MAPK4: variants seen among roughly 807,000 people sequenced by gnomAD.
MAPK4 encodes Erk3-related.
A neutral mutation model predicts 47.7 loss-of-function variants in MAPK4; 22 were observed. The ratio of observed to expected loss-of-function variants is 0.46; its 90% CI spans 0.33 to 0.66. The LOEUF (loss-of-function observed/expected upper bound fraction) is 0.66, where lower values mean the gene tolerates loss of function less well. MAPK4 is among the 30% of genes least tolerant of loss of function. MAPK4 has a pLI of 0.02. For synonymous variants in MAPK4, 390 were observed against 365.7 expected, an observed-to-expected ratio of 1.07 and a Z score of -0.76; for missense variants, 736 against 831.7, an observed-to-expected ratio of 0.88 and a Z score of 1.42.
intron 1 of MAPK4, among the ~76,000 whole-genome samples, chr18:50,576,849 G>A (rs139270565): frequency 6.6e-6 from 1 of 152,302 alleles, no homozygotes; most frequent in Non-Finnish European, 1.5e-5. Flanking sequence ...GGTCCTAGGT[G>A]GCACCAATGC....
At chr18:50,609,127 C>T (rs2042608519) in intron 1 of MAPK4, among the ~76,000 whole-genome samples, 1 of 152,126 alleles carries the variant, frequency 6.6e-6, no homozygotes, top group Non-Finnish European at 1.5e-5. Context: ...CGTCTTTCTA[C>T]ACAGACAGCA....
At chr18:50,590,180 A>C (rs755362413) in intron 1 of MAPK4, among the ~76,000 whole-genome samples, 6 of 152,190 alleles carry the variant, frequency 3.9e-5, no homozygotes, top group Non-Finnish European at 8.8e-5. Context: ...ACTAGCTGTG[A>C]TGAGGAAGGA....
chr18:50,625,930 A>G (rs894975380), intron 1 of MAPK4, among the ~76,000 whole-genome samples: 7 of 105,842 alleles, frequency 6.6e-5, no homozygotes, highest in Admixed American at 5.4e-4. Flanking sequence ...ACACACACAT[A>G]TATAATGACA....
chr18:50,717,171 G>T (rs1236278996), intron 3 of MAPK4, among the ~76,000 whole-genome samples: 1 of 152,148 alleles, frequency 6.6e-6, no homozygotes, highest in African/African-American at 2.4e-5. Context: ...TGCCCTTGTT[G>T]TCAGCCTGTC....
intron 3 of MAPK4, among the ~76,000 whole-genome samples, chr18:50,719,593 C>A (rs6508029): frequency 0.99 from 150,428 of 152,252 alleles, 74,340 homozygotes; most frequent in East Asian, 1. Flanking sequence ...TGGCCCTGCC[C>A]CCACGATCTG....
At chr18:50,569,828 G>A (rs982658217) in intron 1 of MAPK4, among the ~76,000 whole-genome samples, 4 of 152,238 alleles carry the variant, frequency 2.6e-5, no homozygotes, top group South Asian at 2.1e-4. Flanking sequence ...CCATGAGGCC[G>A]TCAATACGCT....
chr18:50,671,746 C>T (rs1907967571), intron 2 of MAPK4, among the ~76,000 whole-genome samples: 1 of 151,954 alleles, frequency 6.6e-6, no homozygotes, highest in African/African-American at 2.4e-5. Context: ...AAAAATTAGC[C>T]AGGTATAGTG....
intron 1 of MAPK4, among the ~76,000 whole-genome samples, chr18:50,631,348 C>T (rs2042828113): frequency 6.6e-6 from 1 of 152,074 alleles, no homozygotes; most frequent in Admixed American, 6.5e-5. Flanking sequence ...TTTGATCAGA[C>T]ATACGGTTGG....
rs78599260 is a variant in MAPK4, at chr18:50,701,581, A to G, written c.547-13498A>G. Among the ~76,000 whole-genome samples the G allele has an allele frequency of 1.8e-3, 270 of 152,178 alleles. 1 individual carries two copies. The East Asian group carries it at 0.037, about 21-fold the overall frequency. On this transcript the variant is annotated intron_variant, in intron 2 of 5. Transcript: ENST00000400384. ...CTGCCAGCATTGTGGTGTAGGAATAACTTCTAGAAATCCTGCTAAGGCCCA... is the reference window on the plus strand; with the variant it reads ...CTGCCAGCATTGTGGTGTAGGAATAGCTTCTAGAAATCCTGCTAAGGCCCA...
chr18:50,707,821 C>T (rs1010902260), intron 2 of MAPK4, among the ~76,000 whole-genome samples: 2 of 152,086 alleles, frequency 1.3e-5, no homozygotes, highest in African/African-American at 2.4e-5. Context: ...TTTATATGAG[C>T]TTTTGGTTGA....
chr18:50,654,236 G>T (rs1225959518), intron 1 of MAPK4, among the ~76,000 whole-genome samples: 2 of 152,216 alleles, frequency 1.3e-5, no homozygotes, highest in African/African-American at 4.8e-5. Flanking sequence ...GAAAACTCAG[G>T]TCTGAACACT....
Position 50,723,813 on chromosome 18 carries a change from G to A in MAPK4, c.853+1714G>A, listed in dbSNP as rs571921749. The stretch of plus-strand genomic sequence containing the variant: ...TGGAAAGTTGAGGCTGCAGTGAGCC[G>A]TATTCCCATCACTGTACTCCAACCT... On this transcript the variant is annotated intron_variant, in intron 4 of 5. Transcript: ENST00000400384. 3.5e-4 allele frequency among the ~76,000 whole-genome samples: 52 copies of A among 150,030 alleles called. 1 individual carries two copies. Among genetic ancestry groups the A allele is most frequent in the South Asian group, 2.9e-3 (14 of 4,750 alleles).
chr18:50,661,384 C>T (rs1261842895), intron 1 of MAPK4, among the ~76,000 whole-genome samples: 1 of 152,214 alleles, frequency 6.6e-6, no homozygotes, highest in African/African-American at 2.4e-5. Flanking sequence ...GCTCCCAGCA[C>T]TGTCTCTTAG....
chr18:50,574,453 A>G (rs2042277680), intron 1 of MAPK4, among the ~76,000 whole-genome samples: 1 of 152,194 alleles, frequency 6.6e-6, no homozygotes, highest in Non-Finnish European at 1.5e-5. Flanking sequence ...TTGTTTTACA[A>G]ATGAGGAACC....
chr18:50,648,803 C>T (rs2043017026), intron 1 of MAPK4, among the ~76,000 whole-genome samples: 1 of 152,186 alleles, frequency 6.6e-6, no homozygotes, highest in South Asian at 2.1e-4. Flanking sequence ...CTCACCCCTA[C>T]CCTCGCTATG....
intron 2 of MAPK4, among the ~76,000 whole-genome samples, chr18:50,700,816 T>C (rs964839428): frequency 1.3e-5 from 2 of 152,188 alleles, no homozygotes; most frequent in African/African-American, 4.8e-5. Flanking sequence ...AATTTGCTTC[T>C]CTAGCTATTC....
chr18:50,627,452 G>A (rs968733222), intron 1 of MAPK4, among the ~76,000 whole-genome samples: 9 of 152,256 alleles, frequency 5.9e-5, no homozygotes, highest in South Asian at 2.1e-4. Flanking sequence ...GGGGTGGCCC[G>A]AGCTCTGGAG....
intron 2 of MAPK4, chr18:50,704,548 A>G: frequency 2.5e-6 from 1 of 398,614 alleles, no homozygotes; most frequent in Non-Finnish European, 4.4e-6. Context: ...TTGCATCACA[A>G]GCATTGTGGG....
chr18:50,630,024 C>T (rs2042814905), intron 1 of MAPK4: 1 of 152,144 alleles, frequency 6.6e-6, no homozygotes, highest in Admixed American at 6.5e-5. Flanking sequence ...GACACGTAAA[C>T]AGCAGGTGAA....
Sources: gnomAD v4.1 joint callset for allele counts (sites outside exome capture counted in the v4.1 genomes callset) on GRCh38, gnomAD v4.1.1 for gene constraint, MANE v1.5 for transcripts, NCBI Gene and HGNC (gene_info 2026-07-23, HGNC 2026-07-21) for gene names.